Variants in ZNF493 observed in about 807,000 individuals in gnomAD.
The protein encoded by ZNF493 is zinc finger protein 493.
Under a neutral mutation model 12.2 loss-of-function variants are expected in ZNF493, and 11 were observed. The ratio of observed to expected loss-of-function variants is 0.90; its 90% CI spans 0.57 to 1.50. The LOEUF is 1.50. ZNF493 is among the 40% of genes most tolerant of loss of function. The pLI is 0.00. For missense variants in ZNF493, 950 were observed against 906.6 expected, an observed-to-expected ratio of 1.05 and a Z score of -0.61; for synonymous variants, 286 against 302.6, an observed-to-expected ratio of 0.95 and a Z score of 0.57.
At position 21,424,497 on chromosome 19, in the gene ZNF493, C is replaced by A. The variant is rs771262431; in HGVS notation, c.1838C>A (p.Ser613Tyr). 2 of 1,612,688 alleles carry A rather than the reference C, an allele frequency of 1.2e-6. No homozygotes were observed. Among genetic ancestry groups the A allele is most frequent in the Non-Finnish European group, 1.7e-6 (2 of 1,179,558 alleles). The change falls in exon 4 of 4, where the codon TCT becomes TAT. Residue 613 changes from serine to tyrosine, a missense_variant. By Grantham distance (144) the Ser-to-Tyr change is moderately radical. Transcript: ENST00000392288. Reference sequence around the variant, plus strand: ...GAATGTGGCAAAGCTTTTAACCGATCTTCAATCCTTAGTATACATAAGAAA... The same window carrying A: ...GAATGTGGCAAAGCTTTTAACCGATATTCAATCCTTAGTATACATAAGAAA... Reference protein sequence around the residue: ...CEECGKAFNRSSILSIHKKIH... With the variant: ...CEECGKAFNRYSILSIHKKIH...
chr19:21,405,102 G>C, intron 1 of ZNF493, 27 bp from the exon 2 acceptor site: 1 of 1,609,004 alleles, frequency 6.2e-7, no homozygotes, highest in Non-Finnish European at 8.5e-7. Context: ...GTGTGTGTGT[G>C]TGTGTGTTTG....
At position 21,424,526 on chromosome 19, in the gene ZNF493, C is replaced by T. The variant is rs774777946; in HGVS notation, c.1867C>T (p.His623Tyr). ...SSILSIHKKIHTGEKPYKCEE... is the reference protein window; with the variant it reads ...SSILSIHKKIYTGEKPYKCEE... ...AATCCTTAGTATACATAAGAAAATT[C>T]ATACTGGAGAAAAACCCTACAAATG... is the stretch of plus-strand genomic sequence containing the variant. Residue 623 changes from histidine (H) to tyrosine (Y), a missense_variant, in exon 4 of 4, where the codon CAT (histidine) becomes TAT (tyrosine). Physicochemically the swap from His to Tyr is moderately conservative, Grantham distance 83. Coordinates refer to ENST00000392288, the MANE Select transcript of ZNF493 (RefSeq NM_001076678.3). 6.2e-7 allele frequency: 1 copy of T among 1,613,422 alleles called. No homozygotes were observed.
intron 3 of ZNF493, chr19:21,413,548 G>C (rs1207838720): frequency 4.0e-5 from 16 of 402,468 alleles, no homozygotes; most frequent in Admixed American, 3.1e-4. Context: ...TGTGACGCTT[G>C]GGGTTGTCCT....
chr19:21,414,489 C>G (rs757242836), intron 3 of ZNF493: 1 of 152,140 alleles, frequency 6.6e-6, no homozygotes, highest in South Asian at 2.1e-4. Context: ...AGTCAAAGGT[C>G]CTGGAAGAGG....
rs2030074805 is a variant in ZNF493, at chr19:21,405,116, G to GTT, written c.31-12_31-11insTT. 1 of 1,611,150 alleles carries GTT rather than the reference G, an allele frequency of 6.2e-7. No individual in the cohort carries two copies. Among genetic ancestry groups the GTT allele is most frequent in the African/African-American group, 1.3e-5 (1 of 74,570 alleles). On this transcript the variant is annotated splice_polypyrimidine_tract_variant and intron_variant, in intron 1 of 3. Coordinates refer to ENST00000392288, the MANE Select transcript of ZNF493 (RefSeq NM_001076678.3). ...TGTGTGTGTGTGTGTGTGTTTGTGT[G>GTT]TGTTTGTTTCAGGGGCCGTTGACAT...
intron 3 of ZNF493, chr19:21,408,239 C>A: frequency 1.4e-6 from 1 of 714,332 alleles, no homozygotes; most frequent in Non-Finnish European, 1.7e-6. Context: ...GATTCTCCTA[C>A]CTCAGCCTCC....
At chr19:21,410,455 TATTA>T (rs2030287457) in intron 3 of ZNF493, among the ~76,000 whole-genome samples, 1 of 152,150 alleles carries the variant, frequency 6.6e-6, no homozygotes, top group South Asian at 2.1e-4. Context: ...CTCTACAAAG[TATTA>T]ATTTTCTGTG....
chr19:21,405,823 A>G lies in ZNF493; in HGVS notation c.220A>G (p.Met74Val), dbSNP rs1280858671. 2.5e-6 allele frequency: 4 copies of G among 1,573,746 alleles called. No homozygotes were observed. The African/African-American group carries it at 4.1e-5, about 16-fold the overall frequency. The stretch of plus-strand genomic sequence containing the variant: ...GGAGCAAGGAAAAGATCCCTGGAAT[A>G]TGAAGGGACACAGTACGGTAGTCAA... ...CLEQGKDPWN[M>V]KGHSTVVKPP... Residue 74 changes from methionine to valine, a missense_variant, in exon 3 of 4, where the codon ATG becomes GTG. Met to Val is a conservative substitution (Grantham distance 21, BLOSUM62 1). Coordinates refer to ENST00000392288, the MANE Select transcript of ZNF493 (RefSeq NM_001076678.3).
rs1366388559 is a variant in ZNF493, at chr19:21,424,204, A to C, written c.1545A>C (p.Lys515Asn). Residue 515 changes from lysine to asparagine, a missense_variant, in exon 4 of 4, where the codon AAA becomes AAC. Lys to Asn is a moderately conservative substitution (Grantham distance 94, BLOSUM62 0). Transcript: ENST00000392288. ...ATAAAATAATTCATACTGGAGAAAA[A>C]CCCTACAAATGTGAAGAATGTGGCA... ...SIHKIIHTGEKPYKCEECGKA... is the reference protein window; with the variant it reads ...SIHKIIHTGENPYKCEECGKA... 2 of 1,612,474 alleles carry C rather than the reference A, an allele frequency of 1.2e-6. No individual in the cohort carries two copies. The highest frequency in any genetic ancestry group is 2.2e-5 in the East Asian group (1 of 44,822).
At chr19:21,417,802 G>T (rs2030538663) in intron 3 of ZNF493, among the ~76,000 whole-genome samples, 1 of 152,116 alleles carries the variant, frequency 6.6e-6, no homozygotes, top group Non-Finnish European at 1.5e-5. Context: ...GTTTTAAATT[G>T]TAAGAACTGG....
intron 1 of ZNF493, chr19:21,397,593 G>C: frequency 1.9e-6 from 1 of 533,058 alleles, no homozygotes; most frequent in South Asian, 2.9e-5. Context: ...ATCCTGACTT[G>C]GGGTGCGGGT....
intron 1 of ZNF493, chr19:21,397,475 CTGCACTGTGACTG>C: frequency 1.5e-6 from 1 of 653,182 alleles, no homozygotes; most frequent in South Asian, 1.8e-5. Context: ...TGTCTCTTCC[CTGCACTGTGACTG>C]TGCCCTGCCT....
intron 1 of ZNF493, among the ~76,000 whole-genome samples, chr19:21,399,253 C>T (rs1392596424): frequency 8.5e-5 from 13 of 152,064 alleles, no homozygotes; most frequent in East Asian, 3.9e-4. Context: ...CTCTCCCTCC[C>T]GGGTTCCCGC....
chr19:21,425,096 A>G lies in ZNF493; in HGVS notation c.*112A>G. The stretch of plus-strand genomic sequence containing the variant: ...ATAAGATAATTAATGCTGGAGAGAA[A>G]CCCTACAAATGTGAAGAATGTGGCA... On this transcript the variant is annotated 3_prime_UTR_variant, in exon 4 of 4. Transcript: ENST00000392288. The G allele has an allele frequency of 7.9e-7, 1 of 1,272,354 alleles. No individual in the cohort carries two copies. Among genetic ancestry groups the G allele is most frequent in the East Asian group, 2.3e-5 (1 of 43,082 alleles). The allele number at this position is 1,272,354 out of a possible 1,614,324, so 78.8% of individuals were successfully genotyped here. A position where few individuals can be genotyped will look rare whatever the true frequency, so the allele number is the denominator to read the frequency against.
rs1466793263 is a variant in ZNF493 at position 21,427,225 on chromosome 19, G to A, written c.*2241G>A. The stretch of plus-strand genomic sequence containing the variant: ...TACTATTGAGTGATGCACAAGGTAG[G>A]TGTTAAGAGTAATATTCTTTTGCAT... On this transcript the variant is annotated 3_prime_UTR_variant, in exon 4 of 4. Transcript: ENST00000392288. 2 of 167,020 alleles carry A rather than the reference G, an allele frequency of 1.2e-5. No individual in the cohort carries two copies. The highest frequency in any genetic ancestry group is 3.8e-4 in the East Asian group (2 of 5,198). The allele number at this position is 167,020 out of a possible 1,614,324, so 10.3% of individuals were successfully genotyped here. A position where few individuals can be genotyped will look rare whatever the true frequency, so the allele number is the denominator to read the frequency against.
intron 3 of ZNF493, among the ~76,000 whole-genome samples, chr19:21,415,942 C>T (rs1425704336): frequency 1.3e-5 from 2 of 152,180 alleles, no homozygotes; most frequent in African/African-American, 4.8e-5. Flanking sequence ...GAATTGATGG[C>T]TCTTAAGTCA....
chr19:21,417,338 G>C (rs1045272017), intron 3 of ZNF493, among the ~76,000 whole-genome samples: 3 of 152,214 alleles, frequency 2.0e-5, no homozygotes, highest in African/African-American at 7.2e-5. Context: ...GCCTGTGCTA[G>C]CAGAGTAGCC....
In ZNF493 at chr19:21,425,783, A is replaced by T. The variant is rs887558608; in HGVS notation, c.*799A>T. 3.5e-6 allele frequency: 2 copies of T among 579,670 alleles called. No individual in the cohort carries two copies. Among genetic ancestry groups the T allele is most frequent in the African/African-American group, 3.8e-5 (2 of 52,750 alleles). 35.9% of individuals were successfully genotyped at this position (579,670 alleles called of 1,614,324 possible). ...CTGGAGAAAAATCTTACAAATGTGA[A>T]GAATGTGGCAAAGCCTTTATCCAGT... On this transcript the variant is annotated 3_prime_UTR_variant, in exon 4 of 4. Coordinates refer to ENST00000392288, the MANE Select transcript of ZNF493 (RefSeq NM_001076678.3).
chr19:21,419,296 CT>C (rs1599378412), intron 3 of ZNF493, among the ~76,000 whole-genome samples: 1 of 145,072 alleles, frequency 6.9e-6, no homozygotes, highest in Admixed American at 6.8e-5. Context: ...CAAACTACAA[CT>C]TTTTTTGTCA....
Sources: gnomAD v4.1 joint callset for allele counts (sites outside exome capture counted in the v4.1 genomes callset) on GRCh38, gnomAD v4.1.1 for gene constraint, MANE v1.5 for transcripts, NCBI Gene and HGNC (gene_info 2026-07-23, HGNC 2026-07-21) for gene names.